TBC1D1: variants seen among roughly 807,000 people sequenced by gnomAD.
The protein encoded by TBC1D1 is TBC1 (tre-2/USP6, BUB2, cdc16) domain family, member 1.
A neutral mutation model predicts 125.6 loss-of-function variants in TBC1D1; 89 were observed. The observed-to-expected ratio is 0.71, with a 90% CI of 0.60 to 0.85. TBC1D1 has a LOEUF of 0.85. Ranked by LOEUF, TBC1D1 falls within the 40% of genes least tolerant of loss-of-function variation. The probability of loss-of-function intolerance (pLI) is 0.00; values close to 1 mark genes in which losing one functional copy is unlikely to be tolerated. For missense variants in TBC1D1, 1,377 were observed against 1,469.2 expected (o/e 0.94, Z 1.03); for synonymous variants, 565 against 564.1 (o/e 1.00, Z -0.02).
intron 2 of TBC1D1, among the ~76,000 whole-genome samples, chr4:37,912,286 A>G (rs1313679844): frequency 6.6e-6 from 1 of 152,216 alleles, no homozygotes; most frequent in African/African-American, 2.4e-5. Flanking sequence ...AGTGGGTTTT[A>G]AAGGACTACT....
At chr4:37,982,035 T>C (rs1227697303) in intron 2 of TBC1D1, among the ~76,000 whole-genome samples, 1 of 152,220 alleles carries the variant, frequency 6.6e-6, no homozygotes, top group Non-Finnish European at 1.5e-5. Flanking sequence ...AATTGCTATT[T>C]ATATGTTGAG....
At chr4:38,121,554 C>G (rs1350629664) in intron 17 of TBC1D1, among the ~76,000 whole-genome samples, 1 of 152,150 alleles carries the variant, frequency 6.6e-6, no homozygotes, top group Non-Finnish European at 1.5e-5. Flanking sequence ...GGAGAAAAGT[C>G]CCACTGAAAG....
chr4:38,085,331 A>C (rs569901682), intron 12 of TBC1D1, among the ~76,000 whole-genome samples: 190 of 152,264 alleles, frequency 1.2e-3, no homozygotes, highest in African/African-American at 4.3e-3. Flanking sequence ...TACATAATTT[A>C]AGTGCTCCAC....
chr4:37,993,885 A>G (rs563271839), intron 2 of TBC1D1, among the ~76,000 whole-genome samples: 517 of 152,372 alleles, frequency 3.4e-3, no homozygotes, highest in Non-Finnish European at 5.8e-3. Context: ...CCCGGCCACA[A>G]CAAAGCTTTG....
chr4:37,946,798 A>G (rs1053216809), intron 2 of TBC1D1, among the ~76,000 whole-genome samples: 6 of 152,198 alleles, frequency 3.9e-5, no homozygotes, highest in Admixed American at 3.3e-4. Flanking sequence ...GCCATGAGAC[A>G]TATCTTCTCC....
chr4:37,902,706 G>A (rs1456467996), intron 2 of TBC1D1, among the ~76,000 whole-genome samples, 194 bp downstream of exon 2: 4 of 152,348 alleles, frequency 2.6e-5, no homozygotes, highest in Admixed American at 2.6e-4. Context: ...ACAGATACGA[G>A]AAATTATCAG....
intron 17 of TBC1D1, chr4:38,120,216 C>G (rs933398118): frequency 4.4e-6 from 3 of 687,762 alleles, no homozygotes; most frequent in Non-Finnish European, 5.4e-6. Context: ...CCCACAGACT[C>G]CTGCTGTGCT....
intron 17 of TBC1D1, among the ~76,000 whole-genome samples, chr4:38,123,197 GA>G (rs1043091320): frequency 5.3e-5 from 8 of 152,316 alleles, no homozygotes; most frequent in African/African-American, 1.7e-4. Flanking sequence ...GTGTTGTAGG[GA>G]AAGCCTTTCC....
chr4:37,991,645 TA>T (rs1408289830), intron 2 of TBC1D1, among the ~76,000 whole-genome samples: 10 of 151,710 alleles, frequency 6.6e-5, no homozygotes, highest in African/African-American at 2.4e-4. Flanking sequence ...TTTTTTTTTT[TA>T]AATTTAGTGG....
chr4:38,107,469 T>G (rs1761514003), intron 15 of TBC1D1, among the ~76,000 whole-genome samples: 1 of 152,208 alleles, frequency 6.6e-6, no homozygotes, highest in Non-Finnish European at 1.5e-5. Flanking sequence ...ACCTTCATAT[T>G]CTGGCCAGAA....
At chr4:38,053,954 ATC>A (rs1202973353) in intron 11 of TBC1D1, among the ~76,000 whole-genome samples, 1 of 152,198 alleles carries the variant, frequency 6.6e-6, no homozygotes, top group Non-Finnish European at 1.5e-5. Context: ...ATGTTTCTTA[ATC>A]TCTGTTACAA....
At chr4:38,070,614 A>G (rs1754539372) in intron 12 of TBC1D1, among the ~76,000 whole-genome samples, 1 of 152,224 alleles carries the variant, frequency 6.6e-6, no homozygotes, top group Admixed American at 6.5e-5. Context: ...ATTTTGGAAT[A>G]TTTACCAAAT....
intron 2 of TBC1D1, among the ~76,000 whole-genome samples, chr4:38,006,177 G>A (rs531963392): frequency 6.6e-6 from 1 of 151,956 alleles, no homozygotes; most frequent in Non-Finnish European, 1.5e-5. Flanking sequence ...GAAAAAAATA[G>A]AATCAGTTTG....
In TBC1D1 at chr4:37,977,199, G is replaced by C. The variant is rs965356726; in HGVS notation, c.418-37310G>C. The C allele has an allele frequency of 6.6e-6, 1 of 152,116 alleles. No individual in the cohort carries two copies. The highest frequency in any genetic ancestry group is 1.5e-5 in the Non-Finnish European group (1 of 68,016). The allele number at this position is 152,116 out of a possible 1,614,324, so 9.4% of individuals were successfully genotyped here. On this transcript the variant is annotated intron_variant, in intron 2 of 19. Transcript: ENST00000261439. This position sits in a 1 kb window ranked among gnomAD's most constrained non-coding sequence, Gnocchi z 4.3. ...ATGTCCCAACTTCCCGCCAGCAGCG[G>C]AGCGCGGGGGTGGGCGGGGTCGGCT...
At chr4:38,023,935 A>T (rs1744578937) in intron 6 of TBC1D1, among the ~76,000 whole-genome samples, 2 of 152,244 alleles carry the variant, frequency 1.3e-5, no homozygotes, top group South Asian at 4.1e-4. Context: ...TCCCACTGGC[A>T]GTGGGTAAGG....
At chr4:38,110,247 A>G (rs140281559) in intron 15 of TBC1D1, 7 of 985,452 alleles carry the variant, frequency 7.1e-6, no homozygotes, top group Non-Finnish European at 8.4e-6. Context: ...ACAGCACCGT[A>G]CAGGGACCAC....
intron 2 of TBC1D1, among the ~76,000 whole-genome samples, chr4:37,984,533 T>C (rs1735030760): frequency 6.6e-6 from 1 of 152,160 alleles, no homozygotes; most frequent in African/African-American, 2.4e-5. Flanking sequence ...TTTCTTTTGA[T>C]TGACTTTTAA....
intron 2 of TBC1D1, among the ~76,000 whole-genome samples, chr4:37,956,894 G>A (rs754487127): frequency 2.3e-4 from 35 of 151,100 alleles, no homozygotes; most frequent in Non-Finnish European, 1.8e-4. Flanking sequence ...AGCAGAGATC[G>A]CGCCACCGCA....
At chr4:38,034,607 T>A (rs1379151121) in intron 7 of TBC1D1, among the ~76,000 whole-genome samples, 3 of 152,114 alleles carry the variant, frequency 2.0e-5, no homozygotes, top group African/African-American at 7.2e-5. Flanking sequence ...TGACCAAGAG[T>A]GGTGTTGACC....
Sources: gnomAD v4.1 joint callset for allele counts (sites outside exome capture counted in the v4.1 genomes callset) on GRCh38, gnomAD v4.1.1 for gene constraint, Gnocchi (gnomAD v3.1) non-coding constraint, MANE v1.5 for transcripts, NCBI Gene and HGNC (gene_info 2026-07-23, HGNC 2026-07-21) for gene names.